Variants in FYB1 observed in about 807,000 individuals in gnomAD.
FYB1 encodes FYN-binding protein 1.
FYB1 carries 41 observed loss-of-function variants against 94.1 expected under a neutral mutation model. The observed-to-expected ratio is 0.44, with a 90% CI of 0.34 to 0.57. The LOEUF (loss-of-function observed/expected upper bound fraction) is 0.57, where lower values mean the gene tolerates loss of function less well. Ranked by LOEUF, FYB1 falls within the 20% of genes least tolerant of loss-of-function variation. The pLI is 0.02. For synonymous variants in FYB1, 367 were observed against 353.2 expected, an observed-to-expected ratio of 1.04 and a Z score of -0.44; for missense variants, 1,050 against 976.8, an observed-to-expected ratio of 1.07 and a Z score of -1.00.
Position 39,202,604 on chromosome 5 carries a change from G to T in FYB1, c.357C>A (p.Asn119Lys), listed in dbSNP as rs1748455471. The T allele has an allele frequency of 6.2e-7, 1 of 1,613,932 alleles. No individual in the cohort carries two copies. Among genetic ancestry groups the T allele is most frequent in the East Asian group, 2.2e-5 (1 of 44,876 alleles). ...TAGGTTTGGAATCTTCTTTGGGCAAGTTGATGGGCTTGGGGCCTACAGGTT... is the reference window on the plus strand; with the variant it reads ...TAGGTTTGGAATCTTCTTTGGGCAATTTGATGGGCTTGGGGCCTACAGGTT... Reference protein sequence around the residue: ...FLKPVGPKPINLPKEDSKPTF... With the variant: ...FLKPVGPKPIKLPKEDSKPTF... The change falls in exon 2 of 19, where the codon AAC becomes AAA. Residue 119 changes from asparagine to lysine, a missense_variant. By Grantham distance (94) the Asn-to-Lys change is moderately conservative. Coordinates refer to ENST00000512982, the MANE Select transcript of FYB1 (RefSeq NM_001465.6).
At chr5:39,172,112 G>C (rs1745301401) in intron 2 of FYB1, among the ~76,000 whole-genome samples, 1 of 152,124 alleles carries the variant, frequency 6.6e-6, no homozygotes, top group African/African-American at 2.4e-5. Context: ...AACAGAATCA[G>C]ACAAAGCAGA....
chr5:39,219,557 G>T lies in FYB1; in HGVS notation c.-142C>A. On this transcript the variant is annotated 5_prime_UTR_variant, in exon 1 of 19. Transcript: ENST00000512982. ...CATCTGCTCTGCATGTGGAACTCAA[G>T]AACTGCGGAGCTTTCTGATGCCTGG... 1.0e-6 allele frequency: 1 copy of T among 985,462 alleles called. No individual in the cohort carries two copies. Among genetic ancestry groups the T allele is most frequent in the Non-Finnish European group, 1.2e-6 (1 of 829,958 alleles). The allele number at this position is 985,462 out of a possible 1,614,324, so 61.0% of individuals were successfully genotyped here.
chr5:39,249,657 T>C (rs977750274), intron 1 of FYB1, among the ~76,000 whole-genome samples: 3 of 152,002 alleles, frequency 2.0e-5, no homozygotes, highest in Non-Finnish European at 2.9e-5. Context: ...CTATTGAACA[T>C]AGTTGGAGAG....
At chr5:39,259,359 T>C (rs155453) in intron 1 of FYB1, among the ~76,000 whole-genome samples, 89,266 of 151,658 alleles carry the variant, frequency 0.59, 26,527 homozygotes, top group African/African-American at 0.67. Context: ...GGCTGGTTGA[T>C]TTAGTAACGA....
intron 2 of FYB1, chr5:39,169,594 C>G: frequency 4.3e-6 from 2 of 469,358 alleles, no homozygotes; most frequent in Non-Finnish European, 8.4e-6. Context: ...CCTGTAATCC[C>G]AGCACTTTGG....
chr5:39,258,873 T>C (rs1473510133), intron 1 of FYB1, among the ~76,000 whole-genome samples: 1 of 152,208 alleles, frequency 6.6e-6, no homozygotes, highest in Non-Finnish European at 1.5e-5. Context: ...ACTGGAAGAC[T>C]GAATAGGCGG....
intron 2 of FYB1, among the ~76,000 whole-genome samples, chr5:39,162,401 G>T (rs1454287749): frequency 6.6e-6 from 1 of 152,070 alleles, no homozygotes; most frequent in Non-Finnish European, 1.5e-5. Flanking sequence ...AAAATATTTT[G>T]GTAGGCTGGG....
chr5:39,165,941 A>G (rs575630574), intron 2 of FYB1, among the ~76,000 whole-genome samples: 50 of 152,250 alleles, frequency 3.3e-4, no homozygotes, highest in Non-Finnish European at 4.4e-5. Context: ...ATCGTACAGC[A>G]GTCAGGATGG....
intron 2 of FYB1, among the ~76,000 whole-genome samples, chr5:39,160,884 C>A (rs945748503): frequency 6.6e-6 from 1 of 152,186 alleles, no homozygotes; most frequent in South Asian, 2.1e-4. Context: ...GATCATCATA[C>A]TTCAGTAACT....
intron 7 of FYB1, 106 bp downstream of exon 7, chr5:39,137,494 G>T: frequency 7.8e-7 from 1 of 1,286,040 alleles, no homozygotes; most frequent in Non-Finnish European, 1.1e-6. Flanking sequence ...AGAGAATAAT[G>T]AATAAGTAAT....
chr5:39,267,181 A>G (rs959722553), intron 1 of FYB1, among the ~76,000 whole-genome samples: 1 of 152,238 alleles, frequency 6.6e-6, no homozygotes, highest in Non-Finnish European at 1.5e-5. Flanking sequence ...TAGCAATGCT[A>G]ACTGCCAGTA....
intron 1 of FYB1, among the ~76,000 whole-genome samples, chr5:39,263,375 A>ATT (rs569609269): frequency 3.2e-4 from 47 of 147,712 alleles, no homozygotes; most frequent in African/African-American, 1.1e-3. Context: ...ATAGTACAGG[A>ATT]TTTTTTTTTT....
At chr5:39,265,475 C>T (rs1462945758) in intron 1 of FYB1, among the ~76,000 whole-genome samples, 1 of 138,104 alleles carries the variant, frequency 7.2e-6, no homozygotes, top group Non-Finnish European at 1.6e-5. Flanking sequence ...CAGAGCAAGA[C>T]TCTGTCTCAA....
chr5:39,122,663 C>A (rs1176477543), intron 13 of FYB1, among the ~76,000 whole-genome samples: 4 of 151,974 alleles, frequency 2.6e-5, no homozygotes, highest in African/African-American at 9.7e-5. Context: ...ACTCATGGAA[C>A]AGTGACTATG....
chr5:39,189,508 C>T (rs1035751662), intron 2 of FYB1, among the ~76,000 whole-genome samples: 3 of 152,162 alleles, frequency 2.0e-5, no homozygotes, highest in Non-Finnish European at 2.9e-5. Context: ...TAAGAAACTT[C>T]TGCTAATATT....
Position 39,105,740 on chromosome 5 carries a change from T to G in FYB1, c.*1703A>C, listed in dbSNP as rs1760338057. ...AAAACCACTTTTGAACCAGGTAATT[T>G]TATCTAGTGTGAAAAGAAATTAATC... On this transcript the variant is annotated 3_prime_UTR_variant, in exon 19 of 19. Coordinates refer to ENST00000512982, the MANE Select transcript of FYB1 (RefSeq NM_001465.6). 1 of 152,164 alleles carries G rather than the reference T, an allele frequency of 6.6e-6. No individual in the cohort carries two copies. The highest frequency in any genetic ancestry group is 2.4e-5 in the African/African-American group (1 of 41,438). 9.4% of individuals were successfully genotyped at this position (152,164 alleles called of 1,614,324 possible). A position where few individuals can be genotyped will look rare whatever the true frequency, so the allele number is the denominator to read the frequency against.
chr5:39,107,163 G>T lies in FYB1; in HGVS notation c.*280C>A. ...AGGATTATTTACTGGTGGTCTAAAA[G>T]AAGTACCTTCAACTTCTTCATAATT... On this transcript the variant is annotated 3_prime_UTR_variant, in exon 19 of 19. Transcript: ENST00000512982. 1 of 243,450 alleles carries T rather than the reference G, an allele frequency of 4.1e-6. No homozygotes were observed. The highest frequency in any genetic ancestry group is 7.9e-6 in the Non-Finnish European group (1 of 125,804). 15.1% of individuals were successfully genotyped at this position (243,450 alleles called of 1,614,324 possible).
chr5:39,138,821 C>T, intron 5 of FYB1, 130 bp from the exon 6 acceptor site: 1 of 693,168 alleles, frequency 1.4e-6, no homozygotes, highest in Non-Finnish European at 2.6e-6. Context: ...ATTAAATGGT[C>T]CAGAGGAATA....
intron 1 of FYB1, among the ~76,000 whole-genome samples, chr5:39,215,505 G>T (rs957006062): frequency 6.6e-6 from 1 of 152,216 alleles, no homozygotes; most frequent in Non-Finnish European, 1.5e-5. Context: ...AACCCACCCT[G>T]CTGTGCTCCT....
Sources: allele counts gnomAD v4.1 joint callset (sites outside exome capture counted in the v4.1 genomes callset), GRCh38; gene constraint gnomAD v4.1.1; transcripts MANE v1.5; gene names NCBI Gene and HGNC (gene_info 2026-07-23, HGNC 2026-07-21).